The following TCHP variants were observed in gnomAD, a reference collection of about 807,000 sequenced individuals.
The protein encoded by TCHP is trichoplein keratin filament binding, also known as trichoplein keratin filament-binding protein.
A neutral mutation model predicts 88.7 loss-of-function variants in TCHP; 81 were observed. That is an observed-to-expected ratio of 0.91 (90% CI 0.76 to 1.10). The LOEUF (loss-of-function observed/expected upper bound fraction) is 1.10, where lower values mean the gene tolerates loss of function less well. Ranked by LOEUF, TCHP falls within the 50% of genes least tolerant of loss-of-function variation. The pLI, the probability that TCHP is intolerant of heterozygous loss-of-function variation, is 0.00. For synonymous variants in TCHP, 232 were observed against 232.5 expected (o/e 1.00, Z 0.02); for missense variants, 641 against 632.1 (o/e 1.01, Z -0.15).
At chr12:109,901,065 TC>T (rs1869760980) in intron 1 of TCHP, 1 of 152,188 alleles carries the variant, frequency 6.6e-6, no homozygotes, top group Admixed American at 6.5e-5. Context: ...GAAAGGTCTG[TC>T]CTCCATGGTA....
upstream of TCHP, among the ~76,000 whole-genome samples, chr12:109,896,270 C>G (rs901626775): frequency 3.3e-5 from 5 of 152,214 alleles, no homozygotes; most frequent in African/African-American, 1.2e-4. Flanking sequence ...AAGAGCTACA[C>G]TTGCAAGCCA....
chr12:109,913,442 A>G (rs2136081593), intron 10 of TCHP, among the ~76,000 whole-genome samples: 1 of 152,276 alleles, frequency 6.6e-6, no homozygotes, highest in South Asian at 2.1e-4. Flanking sequence ...GGGCTGTATC[A>G]CGGACTGTCC....
chr12:109,910,584 C>T (rs1469163790), intron 8 of TCHP, among the ~76,000 whole-genome samples: 2 of 152,314 alleles, frequency 1.3e-5, no homozygotes, highest in East Asian at 3.9e-4. Context: ...ATGCATTAGC[C>T]CCAGTGCCCA....
chr12:109,899,628 C>G (rs1040985365), upstream of TCHP, among the ~76,000 whole-genome samples: 1 of 152,100 alleles, frequency 6.6e-6, no homozygotes, highest in Non-Finnish European at 1.5e-5. Context: ...CAGAGCAAGA[C>G]TCTGTCTCAA....
chr12:109,901,258 C>CA (rs1869774066), intron 1 of TCHP, among the ~76,000 whole-genome samples: 1 of 118,558 alleles, frequency 8.4e-6, no homozygotes, highest in African/African-American at 4.5e-5. Context: ...TGATCCTGAG[C>CA]AAATCACTTT....
the TCHP span, among the ~76,000 whole-genome samples, chr12:109,881,008 C>T: frequency 2.0e-5 from 3 of 152,202 alleles, no homozygotes; most frequent in Non-Finnish European, 4.4e-5. Flanking sequence ...GACCTTATAC[C>T]TGTTGAACAC....
chr12:109,909,749 GT>G (rs1482497335), intron 8 of TCHP, among the ~76,000 whole-genome samples: 1 of 152,190 alleles, frequency 6.6e-6, no homozygotes, highest in Non-Finnish European at 1.5e-5. Context: ...CGGATCACCT[GT>G]GGTCAGGAGT....
intron 5 of TCHP, among the ~76,000 whole-genome samples, chr12:109,906,913 G>T (rs1011398939): frequency 6.6e-6 from 1 of 152,192 alleles, no homozygotes; most frequent in Admixed American, 6.5e-5. Flanking sequence ...TTTGGAGGCA[G>T]GGTCTTGCTC....
At chr12:109,886,383 C>G in the TCHP span, among the ~76,000 whole-genome samples, 1 of 152,162 alleles carries the variant, frequency 6.6e-6, no homozygotes, top group South Asian at 2.1e-4. Context: ...GGTGATCGAC[C>G]CACCTCAGCC....
At chr12:109,908,794 C>T in intron 7 of TCHP, 77 bp from the exon 8 acceptor site, 1 of 1,570,338 alleles carries the variant, frequency 6.4e-7, no homozygotes, top group Non-Finnish European at 8.7e-7. Context: ...AAGGAGACAG[C>T]CTGGTCAGCA....
the TCHP span, among the ~76,000 whole-genome samples, chr12:109,894,393 G>A: frequency 3.3e-5 from 5 of 151,366 alleles, no homozygotes; most frequent in South Asian, 8.4e-4. Flanking sequence ...CCGGGAAGCC[G>A]AGCTTGCAGT....
intron 11 of TCHP, 186 bp from the exon 12 acceptor site, chr12:109,915,217 G>T: frequency 1.3e-6 from 1 of 745,496 alleles, no homozygotes; most frequent in Non-Finnish European, 2.3e-6. Flanking sequence ...CTTTCTATGA[G>T]GTACACACCA....
At position 109,903,625 on chromosome 12, in the gene TCHP, C is replaced by G. The variant is rs568915997; in HGVS notation, c.189-312C>G. Among the ~76,000 whole-genome samples the G allele has an allele frequency of 6.6e-6, 1 of 152,234 alleles. No individual in the cohort carries two copies. Among genetic ancestry groups the G allele is most frequent in the South Asian group, 2.1e-4 (1 of 4,830 alleles). ...GTCAGACCTAGATGGAAATCCTGAC[C>G]GTGTCTCTTGCTGAATGTATGAGCT... On this transcript the variant is annotated intron_variant, in intron 2 of 12. Transcript: ENST00000405876. The surrounding 1 kb of genome is among the most constrained non-coding windows in gnomAD (Gnocchi z 4.6).
chr12:109,910,956 C>T, intron 8 of TCHP, 107 bp from the exon 9 acceptor site: 2 of 1,392,880 alleles, frequency 1.4e-6, no homozygotes, highest in Non-Finnish European at 1.9e-6. Context: ...TGTGTAGAAT[C>T]ACGAATGTCT....
At chr12:109,909,735 C>T (rs923800173) in intron 8 of TCHP, among the ~76,000 whole-genome samples, 2 of 152,164 alleles carry the variant, frequency 1.3e-5, no homozygotes, top group Admixed American at 6.5e-5. Context: ...GAGGCTGAGG[C>T]GGGCGGATCA....
At chr12:109,895,607 C>T (rs989120723), upstream of TCHP, among the ~76,000 whole-genome samples, 1 of 152,020 alleles carries the variant, frequency 6.6e-6, no homozygotes, top group Non-Finnish European at 1.5e-5. Flanking sequence ...TCTACTTCTG[C>T]GGTCTTGTCT....
upstream of TCHP, among the ~76,000 whole-genome samples, chr12:109,898,569 T>G (rs188856524): frequency 7.2e-5 from 11 of 152,006 alleles, no homozygotes. Flanking sequence ...CACAGACAGA[T>G]GAAGTGACCT....
chr12:109,914,668 G>C, intron 11 of TCHP, 41 bp downstream of exon 11: 2 of 1,551,524 alleles, frequency 1.3e-6, no homozygotes, highest in Non-Finnish European at 8.8e-7. Context: ...GGGCCTGCCA[G>C]GTTCTCTGCA....
Position 109,907,666 on chromosome 12 carries a change from A to G in TCHP, c.666A>G (p.Gln222=). 6.2e-7 allele frequency: 1 copy of G among 1,612,042 alleles called. No individual in the cohort carries two copies. Among genetic ancestry groups the G allele is most frequent in the Non-Finnish European group, 8.5e-7 (1 of 1,179,230 alleles). ...AGCTCCAGGCCGAGGCACTGCTGCA[A>G]CAGATGGAGGAGCTGAAGCTGAAGG... is the stretch of plus-strand genomic sequence containing the variant. The part of the protein sequence containing the change: ...EDKLQAEALL[Q]QMEELKLKEV... Residue 222 remains glutamine, a synonymous_variant, in exon 6 of 13, where the codon CAA becomes CAG. Coordinates refer to ENST00000405876, the MANE Select transcript of TCHP (RefSeq NM_001143852.2).
Sources: allele counts gnomAD v4.1 joint callset (sites outside exome capture counted in the v4.1 genomes callset), GRCh38; gene constraint gnomAD v4.1.1; non-coding constraint Gnocchi (gnomAD v3.1); transcripts MANE v1.5; gene names NCBI Gene and HGNC (gene_info 2026-07-23, HGNC 2026-07-21).